The following ENPP7 variants were observed in gnomAD, a reference collection of about 807,000 sequenced individuals.
ENPP7 encodes ectonucleotide pyrophosphatase/phosphodiesterase 7.
Under a neutral mutation model 33.6 loss-of-function variants are expected in ENPP7, and 39 were observed. The ratio of observed to expected loss-of-function variants is 1.16; its 90% CI spans 0.90 to 1.52. The LOEUF is 1.52. Among genes scored for constraint, ENPP7 ranks in the 40% most tolerant of loss-of-function variants. The probability of loss-of-function intolerance (pLI) is 0.00; values close to 1 mark genes in which losing one functional copy is unlikely to be tolerated. For missense variants in ENPP7, 594 were observed against 641.0 expected (o/e 0.93, Z 0.79); for synonymous variants, 244 against 274.3 (o/e 0.89, Z 1.09).
chr17:79,741,859 G>C lies in ENPP7; in HGVS notation c.*82G>C, dbSNP rs1451563266. On this transcript the variant is annotated 3_prime_UTR_variant, in exon 6 of 6. Coordinates refer to ENST00000328313, the MANE Select transcript of ENPP7 (RefSeq NM_178543.5). Reference sequence around the variant, plus strand: ...CTCGCTGCGATGCTCTGCTGGTCGCGGACGGACCCTGCCTCCCCAGCTTAT... The same window carrying C: ...CTCGCTGCGATGCTCTGCTGGTCGCCGACGGACCCTGCCTCCCCAGCTTAT... 1.0e-6 allele frequency: 1 copy of C among 985,540 alleles called. No individual in the cohort carries two copies. The highest frequency in any genetic ancestry group is 6.2e-5 in the Admixed American group (1 of 16,252). 61.0% of individuals were successfully genotyped at this position (985,540 alleles called of 1,614,324 possible).
chr17:79,735,026 G>A lies in ENPP7; in HGVS notation c.400-17G>A, dbSNP rs1320727704. 3.1e-6 allele frequency: 5 copies of A among 1,609,730 alleles called. No individual in the cohort carries two copies. The highest frequency in any genetic ancestry group is 1.3e-5 in the African/African-American group (1 of 75,006). Reference sequence around the variant, plus strand: ...CCCACTGAGGAGTCCTGTCTTTCACGCTGCCTTGTCTGGCAGGGCCTGAGG... The same window carrying A: ...CCCACTGAGGAGTCCTGTCTTTCACACTGCCTTGTCTGGCAGGGCCTGAGG... On this transcript the variant is annotated splice_polypyrimidine_tract_variant and intron_variant, in intron 2 of 5. Coordinates refer to ENST00000328313, the MANE Select transcript of ENPP7 (RefSeq NM_178543.5). This position sits in a 1 kb window ranked among gnomAD's most constrained non-coding sequence, Gnocchi z 5.5.
chr17:79,738,746 G>A lies in ENPP7; in HGVS notation c.*16+684G>A, dbSNP rs1195942484. 6.6e-6 allele frequency: 1 copy of A among 151,998 alleles called. No homozygotes were observed. Among genetic ancestry groups the A allele is most frequent in the African/African-American group, 2.4e-5 (1 of 41,352 alleles). The allele number at this position is 151,998 out of a possible 1,614,324, so 9.4% of individuals were successfully genotyped here. ...GGGGTGCGTTTGGGAGGAGAGCTCCGGGGCTGTGTTCCTGGAACTCCCCGG... is the reference window on the plus strand; with the variant it reads ...GGGGTGCGTTTGGGAGGAGAGCTCCAGGGCTGTGTTCCTGGAACTCCCCGG... On this transcript the variant is annotated intron_variant, in intron 5 of 5. Transcript: ENST00000328313. This position sits in a 1 kb window ranked among gnomAD's most constrained non-coding sequence, Gnocchi z 6.2.
At chr17:79,736,039 C>A (rs2094295104) in intron 3 of ENPP7, among the ~76,000 whole-genome samples, 1 of 152,066 alleles carries the variant, frequency 6.6e-6, no homozygotes, top group Non-Finnish European at 1.5e-5. Context: ...CCCTCTGAGG[C>A]ATTACAGGCG....
intron 2 of ENPP7, among the ~76,000 whole-genome samples, chr17:79,734,185 G>A (rs1467598078): frequency 1.3e-5 from 2 of 149,852 alleles, no homozygotes; most frequent in Non-Finnish European, 3.0e-5. Context: ...GGGCTTCCTG[G>A]CCCAGAGGCG....
chr17:79,737,845 G>C lies in ENPP7; in HGVS notation c.1247-71G>C. On this transcript the variant is annotated intron_variant, in intron 4 of 5. Coordinates refer to ENST00000328313, the MANE Select transcript of ENPP7 (RefSeq NM_178543.5). This position sits in a 1 kb window ranked among gnomAD's most constrained non-coding sequence, Gnocchi z 5.5. ...CTCGTGGGGACCAACAGAGGACCCC[G>C]AGTTTACTGTGGAGAGGCTGGGGTG... is the stretch of plus-strand genomic sequence containing the variant. The C allele has an allele frequency of 1.3e-6, 2 of 1,559,190 alleles. No individual in the cohort carries two copies. Among genetic ancestry groups the C allele is most frequent in the Non-Finnish European group, 1.8e-6 (2 of 1,137,140 alleles).
At position 79,735,072 on chromosome 17, in the gene ENPP7, G is replaced by C. The variant is rs202186933; in HGVS notation, c.429G>C (p.Pro143=). The C allele has an allele frequency of 3.1e-6, 5 of 1,612,854 alleles. No individual in the cohort carries two copies. Among genetic ancestry groups the C allele is most frequent in the East Asian group, 2.2e-5 (1 of 44,886 alleles). ...QGLRAGSFFY[P]GGNVTYQGVA... ...TGAGGGCTGGCTCCTTCTTCTACCC[G>C]GGCGGGAACGTCACCTACCAAGGGG... The change falls in exon 3 of 6, where the codon CCG becomes CCC. Residue 143 remains proline, a synonymous_variant. Transcript: ENST00000328313. The surrounding 1 kb of genome is among the most constrained non-coding windows in gnomAD (Gnocchi z 5.5).
At position 79,735,040 on chromosome 17, in the gene ENPP7, C is replaced by G; in HGVS notation, c.400-3C>G. The G allele has an allele frequency of 6.2e-7, 1 of 1,612,020 alleles. No individual in the cohort carries two copies. Among genetic ancestry groups the G allele is most frequent in the Non-Finnish European group, 8.5e-7 (1 of 1,179,312 alleles). On this transcript the variant is annotated splice_region_variant and splice_polypyrimidine_tract_variant and intron_variant, in intron 2 of 5. Coordinates refer to ENST00000328313, the MANE Select transcript of ENPP7 (RefSeq NM_178543.5). This position sits in a 1 kb window ranked among gnomAD's most constrained non-coding sequence, Gnocchi z 5.5. Reference sequence around the variant, plus strand: ...CTGTCTTTCACGCTGCCTTGTCTGGCAGGGCCTGAGGGCTGGCTCCTTCTT... The same window carrying G: ...CTGTCTTTCACGCTGCCTTGTCTGGGAGGGCCTGAGGGCTGGCTCCTTCTT...
At position 79,738,418 on chromosome 17, in the gene ENPP7, G is replaced by A. The variant is rs565066858; in HGVS notation, c.*16+356G>A. ...GCTCCACTGGGATAGCTCGGAAACC[G>A]TCACCTGCGGTGCATTTGGGAGGAG... is the stretch of plus-strand genomic sequence containing the variant. On this transcript the variant is annotated intron_variant, in intron 5 of 5. Coordinates refer to ENST00000328313, the MANE Select transcript of ENPP7 (RefSeq NM_178543.5). This position sits in a 1 kb window ranked among gnomAD's most constrained non-coding sequence, Gnocchi z 6.2. 1.1e-3 allele frequency: 245 copies of A among 232,118 alleles called. 1 individual carries two copies. Among genetic ancestry groups the A allele is most frequent in the African/African-American group, 4.3e-3 (195 of 45,528 alleles). 14.4% of individuals were successfully genotyped at this position (232,118 alleles called of 1,614,324 possible). A position where few individuals can be genotyped will look rare whatever the true frequency, so the allele number is the denominator to read the frequency against.
intron 2 of ENPP7, among the ~76,000 whole-genome samples, chr17:79,734,464 TGC>T (rs2094291586): frequency 6.8e-6 from 1 of 146,220 alleles, no homozygotes; most frequent in African/African-American, 2.5e-5. Context: ...AGGCAGACAC[TGC>T]GTATCTGGGA....
At position 79,739,837 on chromosome 17, in the gene ENPP7, A is replaced by C. The variant is rs556416209; in HGVS notation, c.*16+1775A>C. On this transcript the variant is annotated intron_variant, in intron 5 of 5. Coordinates refer to ENST00000328313, the MANE Select transcript of ENPP7 (RefSeq NM_178543.5). The surrounding 1 kb of genome is among the most constrained non-coding windows in gnomAD (Gnocchi z 4.4). ...TGGACTGAGAAGAGATGGTGACCAC[A>C]CCACTCACTGAGAAGGCGGGGCTGG... Among the ~76,000 whole-genome samples, 9 of 152,328 alleles carry C rather than the reference A, an allele frequency of 5.9e-5. No individual in the cohort carries two copies. The South Asian group carries it at 1.0e-3, about 18-fold the overall frequency.
intron 2 of ENPP7, 125 bp downstream of exon 2, chr17:79,733,778 C>T: frequency 9.7e-7 from 1 of 1,028,000 alleles, no homozygotes; most frequent in Middle Eastern, 3.2e-4. Context: ...GGGCTCCTGG[C>T]CTACCCTGGC....
intron 2 of ENPP7, among the ~76,000 whole-genome samples, chr17:79,734,113 G>C (rs1269381538): frequency 6.6e-6 from 1 of 152,148 alleles, no homozygotes; most frequent in African/African-American, 2.4e-5. Flanking sequence ...GACAAAATGA[G>C]AGGTGGGTTA....
At position 79,735,043 on chromosome 17, in the gene ENPP7, G is replaced by C. The variant is rs2094292518; in HGVS notation, c.400G>C (p.Gly134Arg). 6.2e-7 allele frequency: 1 copy of C among 1,612,328 alleles called. No homozygotes were observed. The highest frequency in any genetic ancestry group is 1.3e-5 in the African/African-American group (1 of 74,928). Residue 134 changes from glycine (G) to arginine (R), a missense_variant and splice_region_variant, in exon 3 of 6, where the codon GGC (glycine) becomes CGC (arginine). Around this residue, in one of 3 missense-constraint regions of ENPP7, gnomAD observed 504 missense variants for 512.8 expected, o/e 0.98. Coordinates refer to ENST00000328313, the MANE Select transcript of ENPP7 (RefSeq NM_178543.5). The surrounding 1 kb of genome is among the most constrained non-coding windows in gnomAD (Gnocchi z 5.5). ...VPIWITAQRQ[G>R]LRAGSFFYPG... The stretch of plus-strand genomic sequence containing the variant: ...TCTTTCACGCTGCCTTGTCTGGCAG[G>C]GCCTGAGGGCTGGCTCCTTCTTCTA...
In ENPP7 at chr17:79,737,200, G is replaced by C. The variant is rs1555823783; in HGVS notation, c.1186G>C (p.Gly396Arg). Residue 396 changes from glycine (G) to arginine (R), a missense_variant, in exon 4 of 6, where the codon GGC becomes CGC. This residue lies in a region of ENPP7 where 504 missense variants were observed against 512.8 expected (regional missense o/e 0.98). Transcript: ENST00000328313. This position sits in a 1 kb window ranked among gnomAD's most constrained non-coding sequence, Gnocchi z 5.5. ...HVYELMCRLL[G>R]IVPEANDGHL... Reference sequence around the variant, plus strand: ...GTACGAGCTCATGTGCCGGCTGCTGGGCATCGTGCCCGAGGCCAACGATGG... The same window carrying C: ...GTACGAGCTCATGTGCCGGCTGCTGCGCATCGTGCCCGAGGCCAACGATGG... 1.2e-6 allele frequency: 2 copies of C among 1,612,830 alleles called. No homozygotes were observed. Among genetic ancestry groups the C allele is most frequent in the African/African-American group, 2.7e-5 (2 of 74,924 alleles).
At chr17:79,732,151 C>CATATATATGTGTATATATATATATAT (rs2094287721) in intron 1 of ENPP7, among the ~76,000 whole-genome samples, 2 of 25,884 alleles carry the variant, frequency 7.7e-5, no homozygotes, top group African/African-American at 3.0e-4. Context: ...TATATATATA[C>CATATATATGTGTATATATATATATAT]ACACACATAT....
chr17:79,734,560 C>A (rs2094291803), intron 2 of ENPP7, among the ~76,000 whole-genome samples: 1 of 151,388 alleles, frequency 6.6e-6, no homozygotes, highest in Non-Finnish European at 1.5e-5. Flanking sequence ...TCACTGCAAG[C>A]TCTGCCTCCC....
Position 79,735,116 on chromosome 17 carries a change from G to A in ENPP7, c.473G>A (p.Arg158Gln), listed in dbSNP as rs142223203. The change falls in exon 3 of 6, where the codon CGG (arginine) becomes CAG (glutamine). Residue 158 changes from arginine (R) to glutamine (Q), a missense_variant. By Grantham distance (43) the Arg-to-Gln change is conservative. Transcript: ENST00000328313. This position sits in a 1 kb window ranked among gnomAD's most constrained non-coding sequence, Gnocchi z 5.5. ...TYQGVAVTRS[R>Q]KEGIAHNYKN... is the part of the protein sequence containing the mutation. ...CAAGGGGTGGCTGTGACGCGGAGCC[G>A]GAAAGAAGGCATCGCACACAACTAC... is the stretch of plus-strand genomic sequence containing the variant. 5.8e-4 allele frequency: 942 copies of A among 1,613,068 alleles called. No homozygotes were observed. The African/African-American group carries it at 9.8e-3, about 17-fold the overall frequency.
At chr17:79,736,023 C>T (rs2094295070) in intron 3 of ENPP7, among the ~76,000 whole-genome samples, 1 of 152,224 alleles carries the variant, frequency 6.6e-6, no homozygotes, top group African/African-American at 2.4e-5. Flanking sequence ...GATTCTCCTG[C>T]CTCAGCCCTC....
chr17:79,738,114 C>T lies in ENPP7; in HGVS notation c.*16+52C>T. 1 of 1,570,432 alleles carries T rather than the reference C, an allele frequency of 6.4e-7. No individual in the cohort carries two copies. The highest frequency in any genetic ancestry group is 1.1e-5 in the South Asian group (1 of 89,556). On this transcript the variant is annotated intron_variant, in intron 5 of 5. Coordinates refer to ENST00000328313, the MANE Select transcript of ENPP7 (RefSeq NM_178543.5). This position sits in a 1 kb window ranked among gnomAD's most constrained non-coding sequence, Gnocchi z 6.2. ...GAGGGTGGCCCCACGCTCCCTGACC[C>T]TCCACCCTGATGTCCCAGCTACAGT...
Sources: allele counts gnomAD v4.1 joint callset (sites outside exome capture counted in the v4.1 genomes callset), GRCh38; gene constraint gnomAD v4.1.1; regional missense constraint gnomAD v4.1.1; non-coding constraint Gnocchi (gnomAD v3.1); transcripts MANE v1.5; gene names NCBI Gene and HGNC (gene_info 2026-07-23, HGNC 2026-07-21).